Variants in VPS35L observed in about 807,000 individuals in gnomAD.
VPS35L encodes the protein VPS35 endosomal protein sorting factor like.
Under a neutral mutation model 133.0 loss-of-function variants are expected in VPS35L, and 83 were observed. The observed-to-expected ratio is 0.62, with a 90% confidence interval of 0.52 to 0.75. VPS35L has a LOEUF of 0.75. Ranked by LOEUF, VPS35L falls within the 30% of genes least tolerant of loss-of-function variation. VPS35L has a pLI of 0.00. For synonymous variants in VPS35L, 423 were observed against 449.9 expected, an observed-to-expected ratio of 0.94 and a Z score of 0.76; for missense variants, 1,083 against 1,206.8, an observed-to-expected ratio of 0.90 and a Z score of 1.52.
intron 3 of VPS35L, among the ~76,000 whole-genome samples, chr16:19,572,494 T>C (rs1971414209): frequency 6.6e-6 from 1 of 152,180 alleles, no homozygotes; most frequent in Non-Finnish European, 1.5e-5. Context: ...AGTTAACCAG[T>C]CTGCATTTCC....
In VPS35L at chr16:19,650,964, C is replaced by T. The variant is rs1240024823; in HGVS notation, c.2106+505C>T. Among the ~76,000 whole-genome samples the T allele has an allele frequency of 4.6e-5, 7 of 151,550 alleles. No homozygotes were observed. In the East Asian group the frequency reaches 7.8e-4, roughly 17 times the overall value. On this transcript the variant is annotated intron_variant, in intron 25 of 30. Coordinates refer to ENST00000417362, the MANE Select transcript of VPS35L (RefSeq NM_020314.7). ...CGTGATCTCGGCTCACTGCAACCTC[C>T]GCCTCCCAAGTTCAAGCGATTCTCC... is the stretch of plus-strand genomic sequence containing the variant.
At chr16:19,570,365 TA>T (rs759448246) in intron 3 of VPS35L, among the ~76,000 whole-genome samples, 57 of 152,232 alleles carry the variant, frequency 3.7e-4, no homozygotes, top group Admixed American at 7.9e-4. Flanking sequence ...ACCTGGCTCT[TA>T]AAATTTATTT....
In VPS35L at chr16:19,652,026, C is replaced by A. The variant is rs930929987; in HGVS notation, c.2157C>A (p.Phe719Leu). ...FITIPSLAGI[F>L]TRLNLYLHSG... Reference sequence around the variant, plus strand: ...CCATCCCCTCCCTGGCGGGCATCTTCACACGTCTCAATCTCTACCTGCATT... The same window carrying A: ...CCATCCCCTCCCTGGCGGGCATCTTAACACGTCTCAATCTCTACCTGCATT... The change falls in exon 26 of 31, where the codon TTC becomes TTA. Residue 719 changes from phenylalanine (F) to leucine (L), a missense_variant. Transcript: ENST00000417362. 1 of 1,613,548 alleles carries A rather than the reference C, an allele frequency of 6.2e-7. No homozygotes were observed. Among genetic ancestry groups the A allele is most frequent in the Non-Finnish European group, 8.5e-7 (1 of 1,179,770 alleles).
chr16:19,558,763 A>G (rs1375375227), intron 1 of VPS35L, among the ~76,000 whole-genome samples: 1 of 151,868 alleles, frequency 6.6e-6, no homozygotes, highest in Non-Finnish European at 1.5e-5. Context: ...TCTACTAGAA[A>G]AAAAAAAAAA....
rs58758722 is a variant in VPS35L at position 19,647,725 on chromosome 16, GC to G, written c.1930-57del. ...TAATAATATTTCAGTCATACCATGTGCCTGCGTTCTCTCTAAAAATACCACT... is the reference window on the plus strand; with the variant it reads ...TAATAATATTTCAGTCATACCATGTGCTGCGTTCTCTCTAAAAATACCACT... On this transcript the variant is annotated intron_variant, in intron 23 of 30. Transcript: ENST00000417362. 16,408 of 1,295,704 alleles carry G rather than the reference GC, an allele frequency of 0.013. 1,108 individuals carry two copies. The African/African-American group carries it at 0.17, about 14-fold the overall frequency. 80.3% of individuals were successfully genotyped at this position (1,295,704 alleles called of 1,614,324 possible). A position where few individuals can be genotyped will look rare whatever the true frequency, so the allele number is the denominator to read the frequency against.
At chr16:19,687,715 A>C (rs1975510894) in intron 28 of VPS35L, among the ~76,000 whole-genome samples, 1 of 152,150 alleles carries the variant, frequency 6.6e-6, no homozygotes, top group Admixed American at 6.5e-5. Context: ...CAAATGGTTC[A>C]GCCAAAAAAA....
At chr16:19,573,938 C>T (rs948139489) in intron 4 of VPS35L, among the ~76,000 whole-genome samples, 3 of 152,162 alleles carry the variant, frequency 2.0e-5, no homozygotes, top group African/African-American at 7.2e-5. Context: ...TGGAAATTTA[C>T]TATTTCTCTG....
intron 3 of VPS35L, among the ~76,000 whole-genome samples, chr16:19,570,872 T>TC (rs1567388665): frequency 8.7e-5 from 8 of 92,396 alleles, no homozygotes; most frequent in African/African-American, 4.3e-4. Flanking sequence ...TATATATATA[T>TC]ATATATATAT....
rs957350695 is a variant in VPS35L, at chr16:19,607,945, A to G, written c.785-233A>G. Reference sequence around the variant, plus strand: ...ACTACGTACCTCAGAGGGTTGCTATATGGGATCAGGTGAGCTGTCTGTAAA... The same window carrying G: ...ACTACGTACCTCAGAGGGTTGCTATGTGGGATCAGGTGAGCTGTCTGTAAA... On this transcript the variant is annotated intron_variant, in intron 9 of 30. Transcript: ENST00000417362. 1.6e-5 allele frequency: 8 copies of G among 485,730 alleles called. No homozygotes were observed. In the South Asian group the frequency reaches 2.8e-4, roughly 17 times the overall value. 30.1% of individuals were successfully genotyped at this position (485,730 alleles called of 1,614,324 possible).
intron 12 of VPS35L, among the ~76,000 whole-genome samples, chr16:19,615,151 T>G (rs993670107): frequency 6.6e-6 from 1 of 152,184 alleles, no homozygotes; most frequent in African/African-American, 2.4e-5. Flanking sequence ...TACAACCCCA[T>G]GTGTGTTTAT....
intron 23 of VPS35L, among the ~76,000 whole-genome samples, chr16:19,646,523 G>A (rs1021995434): frequency 1.3e-5 from 2 of 152,032 alleles, no homozygotes; most frequent in African/African-American, 4.8e-5. Flanking sequence ...AAATTAGCCG[G>A]GTGTTGTGGT....
At chr16:19,673,993 C>T (rs889213147) in intron 27 of VPS35L, among the ~76,000 whole-genome samples, 1 of 152,050 alleles carries the variant, frequency 6.6e-6, no homozygotes, top group African/African-American at 2.4e-5. Flanking sequence ...TGTATCCCTC[C>T]TTGTGGGACG....
At chr16:19,565,564 G>C (rs1971163467) in intron 2 of VPS35L, among the ~76,000 whole-genome samples, 1 of 152,180 alleles carries the variant, frequency 6.6e-6, no homozygotes, top group Admixed American at 6.5e-5. Context: ...TGTTGGCCAG[G>C]CTGGTCTCGA....
intron 19 of VPS35L, among the ~76,000 whole-genome samples, chr16:19,634,304 G>A (rs531875850): frequency 2.0e-5 from 3 of 151,826 alleles, no homozygotes; most frequent in Admixed American, 6.6e-5. Context: ...ATGCGTGGTG[G>A]TGCATGCCTA....
chr16:19,559,015 T>C (rs1970946553), intron 1 of VPS35L, among the ~76,000 whole-genome samples: 2 of 151,944 alleles, frequency 1.3e-5, no homozygotes, highest in Admixed American at 1.3e-4. Context: ...CTGGGTAATA[T>C]TGTGATTGTG....
In VPS35L at chr16:19,639,896, G is replaced by A. The variant is rs1349743053; in HGVS notation, c.1699-119G>A. On this transcript the variant is annotated intron_variant, in intron 20 of 30. Transcript: ENST00000417362. This position sits in a 1 kb window ranked among gnomAD's most constrained non-coding sequence, Gnocchi z 4.1. ...TTTCAGAGGAGTCCTCATCTGACCC[G>A]ACTCAGAGAGATGAACCTCTGTTCT... 2.7e-5 allele frequency: 22 copies of A among 822,824 alleles called. No homozygotes were observed. The highest frequency in any genetic ancestry group is 3.1e-4 in the Middle Eastern group (1 of 3,266). The allele number at this position is 822,824 out of a possible 1,614,324, so 51.0% of individuals were successfully genotyped here.
At chr16:19,567,809 A>G (rs8054768) in intron 2 of VPS35L, among the ~76,000 whole-genome samples, 23,759 of 151,846 alleles carry the variant, frequency 0.16, 2,702 homozygotes, top group East Asian at 0.37. Flanking sequence ...CTTCTACAAA[A>G]AGTAAAAAAA....
At chr16:19,674,952 T>C (rs1975012262) in intron 27 of VPS35L, among the ~76,000 whole-genome samples, 1 of 140,072 alleles carries the variant, frequency 7.1e-6, no homozygotes, top group African/African-American at 2.6e-5. Context: ...TTTTCTTTTC[T>C]TTCTTTTTTT....
chr16:19,699,711 C>G lies in VPS35L; in HGVS notation c.2793+63C>G, dbSNP rs1056484221. ...GGCCAGTGCACAACCACCCTCAACA[C>G]AGCATTGTGGCCTGGACATCAGACA... is the stretch of plus-strand genomic sequence containing the variant. On this transcript the variant is annotated intron_variant, in intron 30 of 30. Coordinates refer to ENST00000417362, the MANE Select transcript of VPS35L (RefSeq NM_020314.7). The surrounding 1 kb of genome is among the most constrained non-coding windows in gnomAD (Gnocchi z 4.2). 4 of 1,593,870 alleles carry G rather than the reference C, an allele frequency of 2.5e-6. No homozygotes were observed. In the African/African-American group the frequency reaches 5.4e-5, roughly 21 times the overall value.
Sources: allele counts gnomAD v4.1 joint callset (sites outside exome capture counted in the v4.1 genomes callset), GRCh38; gene constraint gnomAD v4.1.1; non-coding constraint Gnocchi (gnomAD v3.1); transcripts MANE v1.5; gene names NCBI Gene and HGNC (gene_info 2026-07-23, HGNC 2026-07-21).